RXRA: variants seen among roughly 807,000 people sequenced by gnomAD.
RXRA encodes retinoic acid receptor RXR-alpha.
A neutral mutation model predicts 44.5 loss-of-function variants in RXRA; 5 were observed. The ratio of observed to expected loss-of-function variants is 0.11; its 90% CI spans 0.06 to 0.24. The LOEUF is 0.24. Among genes scored for constraint, RXRA ranks in the 10% least tolerant of loss-of-function variants. The pLI is 1.00. For synonymous variants in RXRA, 291 were observed against 271.4 expected (o/e 1.07, Z -0.71); for missense variants, 412 against 646.5 (o/e 0.64, Z 3.93).
At chr9:134,422,644 A>C (rs1437985764) in intron 6 of RXRA, 1 of 977,766 alleles carries the variant, frequency 1.0e-6, no homozygotes, top group Non-Finnish European at 1.2e-6. Context: ...CTCTCCCCGG[A>C]CACTCCCCAC....
At chr9:134,334,770 G>A (rs1829970222) in intron 1 of RXRA, among the ~76,000 whole-genome samples, 1 of 152,234 alleles carries the variant, frequency 6.6e-6, no homozygotes, top group Non-Finnish European at 1.5e-5. Context: ...CTGGGAAATG[G>A]CTCTATGCCC....
intron 1 of RXRA, among the ~76,000 whole-genome samples, chr9:134,335,300 C>T (rs1057262267): frequency 9.9e-5 from 15 of 152,140 alleles, no homozygotes; most frequent in African/African-American, 3.4e-4. Flanking sequence ...GTTGTCTCAC[C>T]CATAAACTGC....
chr9:134,332,589 G>C (rs1554746806), intron 1 of RXRA, among the ~76,000 whole-genome samples: 1 of 152,086 alleles, frequency 6.6e-6, no homozygotes, highest in East Asian at 1.9e-4. Flanking sequence ...TGAAGAGGGT[G>C]AGGACGCAAG....
chr9:134,425,286 G>A (rs1199490237), intron 6 of RXRA: 3 of 985,250 alleles, frequency 3.0e-6, no homozygotes, highest in African/African-American at 3.5e-5. Context: ...CGTCCAGGAG[G>A]CCTTCAGAAA....
chr9:134,426,793 G>A lies in RXRA; in HGVS notation c.911-2315G>A. 1 of 985,420 alleles carries A rather than the reference G, an allele frequency of 1.0e-6. No homozygotes were observed. The highest frequency in any genetic ancestry group is 1.2e-6 in the Non-Finnish European group (1 of 829,926). The allele number at this position is 985,420 out of a possible 1,614,324, so 61.0% of individuals were successfully genotyped here. On this transcript the variant is annotated intron_variant, in intron 6 of 9. Coordinates refer to ENST00000481739, the MANE Select transcript of RXRA (RefSeq NM_002957.6). This position sits in a 1 kb window ranked among gnomAD's most constrained non-coding sequence, Gnocchi z 4.6. ...GGCCCGAGAGGCCAGGACTGGCCAG[G>A]GATGGTGGGTTTGGGGCCAGTTGTG...
At chr9:134,378,707 A>G (rs1830595495) in intron 1 of RXRA, among the ~76,000 whole-genome samples, 1 of 152,260 alleles carries the variant, frequency 6.6e-6, no homozygotes, top group African/African-American at 2.4e-5. Flanking sequence ...GACCCTGGGC[A>G]GCGCGTGCCG....
intron 1 of RXRA, among the ~76,000 whole-genome samples, chr9:134,328,225 G>A (rs1360055641): frequency 1.3e-5 from 2 of 152,344 alleles, no homozygotes; most frequent in East Asian, 3.9e-4. Context: ...AGAATGCTCA[G>A]CTCAGTGTCT....
chr9:134,377,701 G>A (rs1830578962), intron 1 of RXRA, among the ~76,000 whole-genome samples: 1 of 152,226 alleles, frequency 6.6e-6, no homozygotes, highest in Admixed American at 6.5e-5. Context: ...TACTCTTGCA[G>A]AGATGTAACA....
intron 1 of RXRA, among the ~76,000 whole-genome samples, chr9:134,377,468 T>G (rs993357361): frequency 6.6e-6 from 1 of 152,186 alleles, no homozygotes; most frequent in Admixed American, 6.5e-5. Context: ...GCCCTGCGTG[T>G]GCTGGCATCA....
chr9:134,424,316 C>G (rs968585116), intron 6 of RXRA: 1 of 985,240 alleles, frequency 1.0e-6, no homozygotes, highest in Non-Finnish European at 1.2e-6. Context: ...GGCATCTCTG[C>G]GAGGGTGGCC....
At chr9:134,419,194 G>A (rs943685252) in intron 5 of RXRA, among the ~76,000 whole-genome samples, 2 of 152,224 alleles carry the variant, frequency 1.3e-5, no homozygotes, top group South Asian at 2.1e-4. Flanking sequence ...CACCAGCCTC[G>A]CGGAGGGCAG....
chr9:134,405,420 G>A (rs552480580), intron 2 of RXRA: 1 of 152,446 alleles, frequency 6.6e-6, no homozygotes, highest in South Asian at 2.1e-4. Flanking sequence ...TGAGGTCTGG[G>A]GGAGCCAGGG....
chr9:134,335,909 C>T (rs1829994481), intron 1 of RXRA, among the ~76,000 whole-genome samples: 1 of 152,200 alleles, frequency 6.6e-6, no homozygotes, highest in African/African-American at 2.4e-5. Flanking sequence ...CTGTGGGCAG[C>T]TTAGGCGCCA....
rs1831442759 is a variant in RXRA at position 134,426,889 on chromosome 9, G to A, written c.911-2219G>A. 2.0e-6 allele frequency: 2 copies of A among 985,288 alleles called. No homozygotes were observed. Among genetic ancestry groups the A allele is most frequent in the African/African-American group, 1.7e-5 (1 of 57,226 alleles). The allele number at this position is 985,288 out of a possible 1,614,324, so 61.0% of individuals were successfully genotyped here. Reference sequence around the variant, plus strand: ...GCCACAGGAAGTCTGTCCACACTGGGCCTGGTGTGGGAAGGGAGGGAGAGC... The same window carrying A: ...GCCACAGGAAGTCTGTCCACACTGGACCTGGTGTGGGAAGGGAGGGAGAGC... On this transcript the variant is annotated intron_variant, in intron 6 of 9. Coordinates refer to ENST00000481739, the MANE Select transcript of RXRA (RefSeq NM_002957.6). This position sits in a 1 kb window ranked among gnomAD's most constrained non-coding sequence, Gnocchi z 4.6.
At chr9:134,367,721 C>A (rs1830432024) in intron 1 of RXRA, among the ~76,000 whole-genome samples, 1 of 152,192 alleles carries the variant, frequency 6.6e-6, no homozygotes, top group African/African-American at 2.4e-5. Flanking sequence ...GGGCACAGAG[C>A]CTCCTTAGCA....
rs55836231 is a variant in RXRA at position 134,401,668 on chromosome 9, C to T, written c.65C>T (p.Pro22Leu). 1.6e-3 allele frequency: 2,564 copies of T among 1,613,088 alleles called. 7 individuals are homozygous for T. Among genetic ancestry groups the T allele is most frequent in the Admixed American group, 1.9e-3 (117 of 60,022 alleles). Residue 22 changes from proline (P) to leucine (L), a missense_variant, in exon 2 of 10, where the codon CCG (proline) becomes CTG (leucine). Physicochemically the swap from Pro to Leu is moderately conservative, Grantham distance 98 (BLOSUM62 -3). Coordinates refer to ENST00000481739, the MANE Select transcript of RXRA (RefSeq NM_002957.6). ...STQVNSSLTSPTGRGSMAAPS... is the reference protein window; with the variant it reads ...STQVNSSLTSLTGRGSMAAPS... ...CAGGTGAACTCCTCCCTCACCTCCC[C>T]GACGGGGCGAGGCTCCATGGCTGCC...
chr9:134,353,568 C>T (rs1830247339), intron 1 of RXRA, among the ~76,000 whole-genome samples: 1 of 152,232 alleles, frequency 6.6e-6, no homozygotes, highest in African/African-American at 2.4e-5. Context: ...TCCACGGCCC[C>T]ACGAGTCCAC....
At chr9:134,415,768 C>G (rs977076977) in intron 4 of RXRA, among the ~76,000 whole-genome samples, 2 of 152,146 alleles carry the variant, frequency 1.3e-5, no homozygotes, top group Non-Finnish European at 2.9e-5. Flanking sequence ...TGTCTGAGCT[C>G]GGAGGAGATA....
intron 1 of RXRA, among the ~76,000 whole-genome samples, chr9:134,386,221 C>T (rs535796627): frequency 3.9e-5 from 6 of 152,380 alleles, no homozygotes; most frequent in South Asian, 2.1e-4. Flanking sequence ...GCTCAGCCGC[C>T]GCGCTGCATC....
Sources: allele counts gnomAD v4.1 joint callset (sites outside exome capture counted in the v4.1 genomes callset), GRCh38; gene constraint gnomAD v4.1.1; non-coding constraint Gnocchi (gnomAD v3.1); transcripts MANE v1.5; gene names NCBI Gene and HGNC (gene_info 2026-07-23, HGNC 2026-07-21).